The following HECW2 variants were observed in gnomAD, a reference collection of about 807,000 sequenced individuals.
HECW2 encodes the protein HECT, C2 and WW domain containing E3 ubiquitin protein ligase 2, also known as E3 ubiquitin-protein ligase HECW2.
In HECW2, 61 loss-of-function variants were observed where a neutral mutation model predicts 175.2. The observed-to-expected ratio is 0.35, with a 90% confidence interval of 0.28 to 0.43. The LOEUF (loss-of-function observed/expected upper bound fraction) is 0.43. HECW2 is among the 20% of genes least tolerant of loss of function. HECW2 has a pLI of 1.00. For missense variants in HECW2, 1,524 were observed against 2,000.5 expected, an observed-to-expected ratio of 0.76 and a Z score of 4.54; for synonymous variants, 671 against 731.0, an observed-to-expected ratio of 0.92 and a Z score of 1.32.
chr2:196,359,480 C>T lies in HECW2; in HGVS notation c.293-15716G>A, dbSNP rs527637569. Among the ~76,000 whole-genome samples, 24 of 150,942 alleles carry T rather than the reference C, an allele frequency of 1.6e-4. 1 individual carries two copies. The highest frequency in any genetic ancestry group is 4.4e-4 in the African/African-American group (18 of 40,558). On this transcript the variant is annotated intron_variant, in intron 2 of 28. Coordinates refer to ENST00000644978, the MANE Select transcript of HECW2 (RefSeq NM_001348768.2). ...CAAACAAACAAACAAACAAACAAAA[C>T]CATGCATATATTAAGCCTGCTCTCA...
chr2:196,426,279 T>C (rs1028757006), intron 2 of HECW2, among the ~76,000 whole-genome samples: 1 of 152,196 alleles, frequency 6.6e-6, no homozygotes, highest in Non-Finnish European at 1.5e-5. Context: ...CACTTCATTA[T>C]GGGGATCCAG....
intron 21 of HECW2, among the ~76,000 whole-genome samples, chr2:196,233,904 A>G (rs1688145987): frequency 6.6e-6 from 1 of 152,192 alleles, no homozygotes; most frequent in African/African-American, 2.4e-5. Flanking sequence ...GCAGAGACTG[A>G]AGAAAACTCC....
chr2:196,229,916 A>C (rs1317819621), intron 21 of HECW2, among the ~76,000 whole-genome samples: 1 of 152,242 alleles, frequency 6.6e-6, no homozygotes, highest in African/African-American at 2.4e-5. Flanking sequence ...TAAAATGAAT[A>C]CATGAATATT....
intron 10 of HECW2, among the ~76,000 whole-genome samples, chr2:196,310,798 G>C (rs987530865): frequency 7.9e-5 from 12 of 152,062 alleles, no homozygotes; most frequent in Middle Eastern, 3.4e-3. Flanking sequence ...GTTTTGCACT[G>C]AATTGGGAGG....
chr2:196,418,431 T>C (rs1237307158), intron 2 of HECW2, among the ~76,000 whole-genome samples: 2 of 152,164 alleles, frequency 1.3e-5, no homozygotes, highest in African/African-American at 4.8e-5. Flanking sequence ...CCCGGCCAGA[T>C]GATCACTTCT....
intron 1 of HECW2, among the ~76,000 whole-genome samples, chr2:196,479,349 C>T (rs1367636871): frequency 6.6e-6 from 1 of 152,212 alleles, no homozygotes; most frequent in Non-Finnish European, 1.5e-5. Context: ...CATGCTCTTT[C>T]ACTGCCAAGG....
At chr2:196,253,834 T>G (rs1688948952) in intron 19 of HECW2, 86 bp downstream of exon 19, 6 of 1,230,182 alleles carry the variant, frequency 4.9e-6, no homozygotes, top group Non-Finnish European at 7.1e-6. Flanking sequence ...AGTGTTCCCT[T>G]ACTGTTCTGT....
chr2:196,246,222 G>A (rs915122328), intron 19 of HECW2, among the ~76,000 whole-genome samples: 1 of 152,184 alleles, frequency 6.6e-6, no homozygotes, highest in African/African-American at 2.4e-5. Context: ...ACTCAAGGGT[G>A]GCACAATCAG....
At chr2:196,307,905 C>A in intron 11 of HECW2, 30 bp downstream of exon 11, 3 of 1,477,710 alleles carry the variant, frequency 2.0e-6, no homozygotes, top group East Asian at 4.8e-5. Context: ...CCACAAAATA[C>A]AACAGTCACA....
At chr2:196,398,961 G>C (rs554259210) in intron 2 of HECW2, among the ~76,000 whole-genome samples, 1 of 152,288 alleles carries the variant, frequency 6.6e-6, no homozygotes, top group African/African-American at 2.4e-5. Context: ...GCCTGGGCAA[G>C]AGAGGGAGAC....
At chr2:196,474,484 C>T (rs1686473426) in intron 1 of HECW2, among the ~76,000 whole-genome samples, 1 of 152,100 alleles carries the variant, frequency 6.6e-6, no homozygotes, top group African/African-American at 2.4e-5. Flanking sequence ...TAATGATGTT[C>T]TCCCACCAGG....
At chr2:196,258,584 G>A (rs1391955300) in intron 17 of HECW2, among the ~76,000 whole-genome samples, 1 of 152,116 alleles carries the variant, frequency 6.6e-6, no homozygotes, top group African/African-American at 2.4e-5. Flanking sequence ...ATAGGTAAAT[G>A]TGATACCAGC....
chr2:196,216,944 A>C, intron 27 of HECW2, 64 bp downstream of exon 27: 1 of 1,149,802 alleles, frequency 8.7e-7, no homozygotes, highest in Non-Finnish European at 1.2e-6. Flanking sequence ...GCAGTTATTA[A>C]AAACATACAC....
At chr2:196,305,033 G>C (rs1453078857) in intron 13 of HECW2, among the ~76,000 whole-genome samples, 1 of 152,160 alleles carries the variant, frequency 6.6e-6, no homozygotes, top group Non-Finnish European at 1.5e-5. Context: ...ATCCAAACCT[G>C]TCTATGGCCC....
intron 20 of HECW2, among the ~76,000 whole-genome samples, chr2:196,241,333 G>A (rs1024573402): frequency 2.0e-5 from 3 of 152,260 alleles, no homozygotes; most frequent in Non-Finnish European, 4.4e-5. Context: ...ATTTTTTAGG[G>A]CAATGAAGGT....
intron 22 of HECW2, among the ~76,000 whole-genome samples, chr2:196,227,817 C>T (rs1401269669): frequency 6.6e-6 from 1 of 152,318 alleles, no homozygotes; most frequent in East Asian, 1.9e-4. Context: ...AGGAACGCAT[C>T]ATCTCTTTCT....
At chr2:196,289,256 G>A (rs1040435665) in intron 14 of HECW2, 21 of 152,112 alleles carry the variant, frequency 1.4e-4, no homozygotes, top group African/African-American at 5.1e-4. Context: ...ATGAGGATAT[G>A]GACATCCTGT....
At chr2:196,278,841 G>T in intron 14 of HECW2, 179 bp from the exon 15 acceptor site, 1 of 627,270 alleles carries the variant, frequency 1.6e-6, no homozygotes, top group Non-Finnish European at 2.7e-6. Flanking sequence ...ATTAGAGAAA[G>T]CCAAGCTTAG....
chr2:196,492,816 G>C (rs1687247764), intron 1 of HECW2, among the ~76,000 whole-genome samples: 1 of 152,138 alleles, frequency 6.6e-6, no homozygotes, highest in African/African-American at 2.4e-5. Flanking sequence ...GAAGTAGTCA[G>C]AAAAACTGCT....
Sources: allele counts gnomAD v4.1 joint callset (sites outside exome capture counted in the v4.1 genomes callset), GRCh38; gene constraint gnomAD v4.1.1; transcripts MANE v1.5; gene names NCBI Gene and HGNC (gene_info 2026-07-23, HGNC 2026-07-21).